CACNA1B: variants seen among roughly 807,000 people sequenced by gnomAD.
CACNA1B encodes calcium voltage-gated channel subunit alpha1 B.
Under a neutral mutation model 247.2 loss-of-function variants are expected in CACNA1B, and 70 were observed. The observed-to-expected ratio is 0.28, with a 90% confidence interval of 0.23 to 0.35. CACNA1B has a LOEUF of 0.35. CACNA1B is among the 10% of genes least tolerant of loss of function. CACNA1B has a pLI of 1.00. For synonymous variants in CACNA1B, 1,231 were observed against 1,294.4 expected (o/e 0.95, Z 1.05); for missense variants, 2,367 against 3,197.4 (o/e 0.74, Z 6.26).
intron 15 of CACNA1B, among the ~76,000 whole-genome samples, chr9:137,999,273 G>A (rs1489645115): frequency 6.6e-6 from 1 of 152,122 alleles, no homozygotes; most frequent in African/African-American, 2.4e-5. Flanking sequence ...CTGTCCTGCA[G>A]AGCACAACTT....
intron 20 of CACNA1B, among the ~76,000 whole-genome samples, chr9:138,043,396 C>T (rs1200212313): frequency 6.6e-6 from 1 of 152,184 alleles, no homozygotes; most frequent in Non-Finnish European, 1.5e-5. Context: ...GGCCCCTGCT[C>T]CTCCCTGTGC....
rs568072954 is a variant in CACNA1B, at chr9:138,065,868, C to G, written c.4669-3890C>G. Among the ~76,000 whole-genome samples, 3 of 152,162 alleles carry G rather than the reference C, an allele frequency of 2.0e-5. No homozygotes were observed. The East Asian group carries it at 5.8e-4, about 29-fold the overall frequency. On this transcript the variant is annotated intron_variant, in intron 31 of 46. Coordinates refer to ENST00000371372, the MANE Select transcript of CACNA1B (RefSeq NM_000718.4). ...CCCTTTCAACCCTTTACAGATTTGC[C>G]CAAGATGAAGGTTTCAGCAGTTTTA...
At position 138,068,530 on chromosome 9, in the gene CACNA1B, C is replaced by T. The variant is rs903882835; in HGVS notation, c.4669-1228C>T. 5.3e-5 allele frequency: 27 copies of T among 508,206 alleles called. No individual in the cohort carries two copies. In the Middle Eastern group the frequency reaches 1.5e-3, roughly 29 times the overall value. 31.5% of individuals were successfully genotyped at this position (508,206 alleles called of 1,614,324 possible). A position where few individuals can be genotyped will look rare whatever the true frequency, so the allele number is the denominator to read the frequency against. On this transcript the variant is annotated intron_variant, in intron 31 of 46. Transcript: ENST00000371372. ...CTGCCTCCTCCCTGTGCGTCTCGCC[C>T]GGAAGCATTTAGTCCCAGTGCGCTT...
intron 18 of CACNA1B, among the ~76,000 whole-genome samples, chr9:138,015,182 C>A (rs1261147153): frequency 6.6e-6 from 1 of 152,204 alleles, no homozygotes; most frequent in East Asian, 1.9e-4. Context: ...CCGGCCCAAG[C>A]CAGCCCGAGG....
chr9:137,990,516 G>A lies in CACNA1B; in HGVS notation c.1974+3662G>A, dbSNP rs958453446. Among the ~76,000 whole-genome samples the A allele has an allele frequency of 2.0e-5, 3 of 152,078 alleles. No individual in the cohort carries two copies. Among genetic ancestry groups the A allele is most frequent in the African/African-American group, 2.4e-5 (1 of 41,406 alleles). ...CCTCAGCTGATGCTCTCTTGAAAGC[G>A]CCACCTCCTGGCTGGAGGCCAACCA... On this transcript the variant is annotated intron_variant, in intron 15 of 46. Transcript: ENST00000371372. This position sits in a 1 kb window ranked among gnomAD's most constrained non-coding sequence, Gnocchi z 4.5.
In CACNA1B at chr9:138,023,430, C is replaced by T; in HGVS notation, c.2687C>T (p.Ala896Val). Residue 896 changes from alanine (A) to valine (V), a missense_variant, in exon 19 of 47, where the codon GCC becomes GTC. Physicochemically the swap from Ala to Val is moderately conservative, Grantham distance 64. This residue lies in a region of CACNA1B where 631 missense variants were observed against 631.1 expected (regional missense o/e 1.00). Transcript: ENST00000371372. Reference sequence around the variant, plus strand: ...CCGCACCGCAGCCACAGCAAGGAGGCCGCGGGGCCCCCGGAGGCGCGGAGC... The same window carrying T: ...CCGCACCGCAGCCACAGCAAGGAGGTCGCGGGGCCCCCGGAGGCGCGGAGC... The part of the protein sequence containing the change: ...PRPHRSHSKE[A>V]AGPPEARSER... 1 of 1,271,642 alleles carries T rather than the reference C, an allele frequency of 7.9e-7. No individual in the cohort carries two copies. Among genetic ancestry groups the T allele is most frequent in the Non-Finnish European group, 9.9e-7 (1 of 1,013,318 alleles). The allele number at this position is 1,271,642 out of a possible 1,614,324, so 78.8% of individuals were successfully genotyped here.
chr9:138,065,027 T>G (rs1282381562), intron 31 of CACNA1B, among the ~76,000 whole-genome samples: 1 of 152,242 alleles, frequency 6.6e-6, no homozygotes, highest in East Asian at 1.9e-4. Flanking sequence ...AAGGCAGTTC[T>G]GGCACCCTCA....
intron 6 of CACNA1B, among the ~76,000 whole-genome samples, chr9:137,921,517 C>T (rs969873017): frequency 2.1e-5 from 3 of 146,198 alleles, no homozygotes; most frequent in Non-Finnish European, 3.0e-5. Context: ...GTAAAGCGTT[C>T]GGAGAACACC....
At chr9:137,904,659 C>T (rs981056084) in intron 3 of CACNA1B, among the ~76,000 whole-genome samples, 15 of 152,052 alleles carry the variant, frequency 9.9e-5, no homozygotes, top group African/African-American at 3.6e-4. Context: ...TGAGCCACTG[C>T]ACTGCCTCCG....
In CACNA1B at chr9:138,102,660, C is replaced by T; in HGVS notation, c.5223-51C>T. 1 of 1,105,240 alleles carries T rather than the reference C, an allele frequency of 9.0e-7. No homozygotes were observed. The highest frequency in any genetic ancestry group is 1.3e-6 in the Non-Finnish European group (1 of 743,904). 68.5% of individuals were successfully genotyped at this position (1,105,240 alleles called of 1,614,324 possible). A position where few individuals can be genotyped will look rare whatever the true frequency, so the allele number is the denominator to read the frequency against. ...CCCCGCTCCCCTCCTGCTGCCGCTC[C>T]TCCTGTGGACCACCCCACTGTGCCC... is the stretch of plus-strand genomic sequence containing the variant. On this transcript the variant is annotated intron_variant, in intron 37 of 46. Coordinates refer to ENST00000371372, the MANE Select transcript of CACNA1B (RefSeq NM_000718.4). This position sits in a 1 kb window ranked among gnomAD's most constrained non-coding sequence, Gnocchi z 5.4.
At chr9:138,113,337 A>G (rs1284027664) in intron 40 of CACNA1B, among the ~76,000 whole-genome samples, 114 of 83,696 alleles carry the variant, frequency 1.4e-3, no homozygotes, top group Middle Eastern at 0.013. Flanking sequence ...AGGGAGCACG[A>G]GGAGGTGCCC....
intron 24 of CACNA1B, among the ~76,000 whole-genome samples, chr9:138,049,616 C>T (rs868461142): frequency 1.2e-4 from 19 of 152,198 alleles, no homozygotes; most frequent in African/African-American, 3.9e-4. Context: ...CTGGTGCGGC[C>T]GGTGGCTCTG....
intron 23 of CACNA1B, among the ~76,000 whole-genome samples, chr9:138,048,507 G>A (rs1341639015): frequency 6.6e-6 from 1 of 152,178 alleles, no homozygotes; most frequent in Non-Finnish European, 1.5e-5. Flanking sequence ...AGGTCCAAAG[G>A]CCCACTGAGG....
At chr9:138,075,506 C>T (rs1016066644) in intron 34 of CACNA1B, among the ~76,000 whole-genome samples, 4 of 152,242 alleles carry the variant, frequency 2.6e-5, no homozygotes, top group Non-Finnish European at 4.4e-5. Context: ...CTGATGATCC[C>T]ACTTGAAAAC....
chr9:138,075,241 T>G (rs1368926308), intron 34 of CACNA1B, among the ~76,000 whole-genome samples: 2 of 152,238 alleles, frequency 1.3e-5, no homozygotes, highest in African/African-American at 4.8e-5. Flanking sequence ...AATACATCTT[T>G]TTTTCCTGCT....
chr9:138,098,830 T>A (rs1006299305), intron 37 of CACNA1B, among the ~76,000 whole-genome samples: 2 of 152,138 alleles, frequency 1.3e-5, no homozygotes, highest in Admixed American at 6.5e-5. Context: ...AGCACAGACG[T>A]GACCTGTGAG....
At chr9:137,930,792 T>G (rs573325453) in intron 6 of CACNA1B, among the ~76,000 whole-genome samples, 1 of 152,314 alleles carries the variant, frequency 6.6e-6, no homozygotes, top group South Asian at 2.1e-4. Flanking sequence ...ATATTTAGAC[T>G]TGCTATTTTT....
Position 138,006,811 on chromosome 9 carries a change from C to A in CACNA1B, c.2019C>A (p.Ile673=), listed in dbSNP as rs368450405. ...GGAATGCAGTGATGTATCACGGGAT[C>A]GAATCGCAAGGCGGCGTCAGCAAAG... The part of the protein sequence containing the change: ...EDWNAVMYHG[I]ESQGGVSKGM... The change falls in exon 16 of 47, where the codon ATC becomes ATA. Residue 673 remains isoleucine, a synonymous_variant. Transcript: ENST00000371372. The A allele has an allele frequency of 6.2e-7, 1 of 1,611,316 alleles. No homozygotes were observed. Among genetic ancestry groups the A allele is most frequent in the Non-Finnish European group, 8.5e-7 (1 of 1,177,510 alleles).
At position 138,024,902 on chromosome 9, in the gene CACNA1B, G is replaced by C. The variant is rs549162324; in HGVS notation, c.3069-53G>C. 6.1e-6 allele frequency: 8 copies of C among 1,314,550 alleles called. No homozygotes were observed. In the African/African-American group the frequency reaches 8.8e-5, roughly 14 times the overall value. 81.4% of individuals were successfully genotyped at this position (1,314,550 alleles called of 1,614,324 possible). On this transcript the variant is annotated intron_variant, in intron 19 of 46. Transcript: ENST00000371372. ...TCCTGCCTCTGCCTCCCGGTGCCGG[G>C]ATCACAGGTGTGAGCCACTGCGCCG...
Sources: allele counts gnomAD v4.1 joint callset (sites outside exome capture counted in the v4.1 genomes callset), GRCh38; gene constraint gnomAD v4.1.1; regional missense constraint gnomAD v4.1.1; non-coding constraint Gnocchi (gnomAD v3.1); transcripts MANE v1.5; gene names NCBI Gene and HGNC (gene_info 2026-07-23, HGNC 2026-07-21).